The following CSK variants were observed in gnomAD, a reference collection of about 807,000 sequenced individuals.
CSK encodes the protein C-terminal Src kinase.
A neutral mutation model predicts 62.3 loss-of-function variants in CSK; 7 were observed. The ratio of observed to expected loss-of-function variants is 0.11; its 90% CI spans 0.06 to 0.21. The LOEUF (loss-of-function observed/expected upper bound fraction) is 0.21. CSK is among the 10% of genes least tolerant of loss of function. CSK has a pLI of 1.00. For synonymous variants in CSK, 237 were observed against 246.0 expected (o/e 0.96, Z 0.34); for missense variants, 294 against 613.5 (o/e 0.48, Z 5.50).
At chr15:74,783,920 C>G (rs2063477369) in intron 1 of CSK, among the ~76,000 whole-genome samples, 1 of 152,240 alleles carries the variant, frequency 6.6e-6, no homozygotes, top group African/African-American at 2.4e-5. Flanking sequence ...CGTGGAAGCT[C>G]TGTCTCCACT....
At position 74,799,419 on chromosome 15, in the gene CSK, C is replaced by T; in HGVS notation, c.390C>T (p.Arg130=). The change falls in exon 5 of 13, where the codon CGC becomes CGT. Residue 130 remains arginine (R), a synonymous_variant. Coordinates refer to ENST00000220003, the MANE Select transcript of CSK (RefSeq NM_004383.3). The part of the protein sequence containing the change: ...VSCDGKVEHY[R]IMYHASKLSI... ...GCGACGGCAAGGTGGAGCACTACCG[C>T]ATCATGTACCATGCCAGCAAGCTCA... 2 of 1,613,616 alleles carry T rather than the reference C, an allele frequency of 1.2e-6. No homozygotes were observed. The highest frequency in any genetic ancestry group is 2.2e-5 in the South Asian group (2 of 91,088).
rs201341177 is a variant in CSK at position 74,796,609 on chromosome 15, A to G, written c.-65-1624A>G. 7.3e-4 allele frequency among the ~76,000 whole-genome samples: 111 copies of G among 151,776 alleles called. No individual in the cohort carries two copies. The East Asian group carries it at 0.019, about 26-fold the overall frequency. On this transcript the variant is annotated intron_variant, in intron 1 of 12. Coordinates refer to ENST00000220003, the MANE Select transcript of CSK (RefSeq NM_004383.3). ...ACCCTTTCTCAAAAAAAAAAAAAAA[A>G]GAAAAGAAAAAGAAAAAATCCATGT...
chr15:74,795,288 T>C (rs1339782528), intron 1 of CSK, among the ~76,000 whole-genome samples: 1 of 151,892 alleles, frequency 6.6e-6, no homozygotes, highest in Non-Finnish European at 1.5e-5. Context: ...TAAAATGTCT[T>C]CTCCCGCGCC....
intron 1 of CSK, among the ~76,000 whole-genome samples, chr15:74,791,192 G>A (rs775587117): frequency 6.6e-5 from 10 of 152,054 alleles, no homozygotes; most frequent in Non-Finnish European, 1.2e-4. Context: ...GGGAGGTGTT[G>A]CATTAATACC....
chr15:74,802,400 G>A lies in CSK; in HGVS notation c.1240G>A (p.Ala414Thr), dbSNP rs775701272. Residue 414 changes from alanine to threonine, a missense_variant, in exon 13 of 13, where the codon GCA (alanine) becomes ACA (threonine). Transcript: ENST00000220003. ...KMDAPDGCPP[A>T]VYEVMKNCWH... ...GGATGCCCCCGACGGCTGCCCGCCCGCAGTCTATGAAGTCATGAAGAACTG... is the reference window on the plus strand; with the variant it reads ...GGATGCCCCCGACGGCTGCCCGCCCACAGTCTATGAAGTCATGAAGAACTG... 6.8e-6 allele frequency: 11 copies of A among 1,611,962 alleles called. No homozygotes were observed. The highest frequency in any genetic ancestry group is 4.4e-5 in the South Asian group (4 of 90,960).
rs576773867 is a variant in CSK at position 74,795,065 on chromosome 15, G to A, written c.-65-3168G>A. On this transcript the variant is annotated intron_variant, in intron 1 of 12. Coordinates refer to ENST00000220003, the MANE Select transcript of CSK (RefSeq NM_004383.3). ...CTGCCTTCCCGCTTCCCTCACCATC[G>A]GCTTCCACCTGGGCCAGTTTCTCAT... Among the ~76,000 whole-genome samples the A allele has an allele frequency of 9.9e-5, 15 of 152,190 alleles. No homozygotes were observed. In the South Asian group the frequency reaches 2.3e-3, roughly 23 times the overall value.
At chr15:74,785,231 T>C (rs1423454027) in intron 1 of CSK, among the ~76,000 whole-genome samples, 1 of 152,228 alleles carries the variant, frequency 6.6e-6, no homozygotes, top group Non-Finnish European at 1.5e-5. Context: ...TTTTTTCATT[T>C]AATACTGCGT....
chr15:74,802,170 A>C, intron 12 of CSK, 87 bp downstream of exon 12: 2 of 1,468,438 alleles, frequency 1.4e-6, no homozygotes, highest in Non-Finnish European at 9.3e-7. Flanking sequence ...CTGCCTCCCC[A>C]ATCAAGGCCT....
chr15:74,801,412 C>A, intron 9 of CSK, 110 bp from the exon 10 acceptor site: 2 of 1,077,406 alleles, frequency 1.9e-6, no homozygotes, highest in Non-Finnish European at 2.7e-6. Flanking sequence ...CCACTCCTTC[C>A]CTGTCTCACA....
chr15:74,798,949 C>T lies in CSK; in HGVS notation c.242+11C>T, dbSNP rs752325756. The T allele has an allele frequency of 5.3e-6, 8 of 1,508,028 alleles. No individual in the cohort carries two copies. Among genetic ancestry groups the T allele is most frequent in the Admixed American group, 2.2e-5 (1 of 44,716 alleles). 93.4% of individuals were successfully genotyped at this position (1,508,028 alleles called of 1,614,324 possible). On this transcript the variant is annotated intron_variant, in intron 4 of 12. Coordinates refer to ENST00000220003, the MANE Select transcript of CSK (RefSeq NM_004383.3). This position sits in a 1 kb window ranked among gnomAD's most constrained non-coding sequence, Gnocchi z 6.6. ...ACTCAGCCTCATGCCGTGAGTACCA[C>T]GAGGAGGGGTTGGGGAGGGAAGGGG... is the stretch of plus-strand genomic sequence containing the variant.
intron 1 of CSK, among the ~76,000 whole-genome samples, chr15:74,785,239 C>T (rs34419559): frequency 0.042 from 6,423 of 152,280 alleles, 198 homozygotes; most frequent in Middle Eastern, 0.065. Flanking sequence ...TTTAATACTG[C>T]GTCTGTGGGC....
At chr15:74,795,726 C>G (rs1027041088) in intron 1 of CSK, among the ~76,000 whole-genome samples, 3 of 152,090 alleles carry the variant, frequency 2.0e-5, no homozygotes, top group Non-Finnish European at 4.4e-5. Context: ...CCTTGAACAA[C>G]ACAGGGGTTG....
chr15:74,789,127 G>GA (rs1321603814), intron 1 of CSK, among the ~76,000 whole-genome samples: 1 of 152,124 alleles, frequency 6.6e-6, no homozygotes, highest in East Asian at 1.9e-4. Context: ...GGGGGCAGGG[G>GA]AAAAAAAGCC....
intron 1 of CSK, among the ~76,000 whole-genome samples, chr15:74,785,045 C>G (rs2063495191): frequency 6.6e-6 from 1 of 152,166 alleles, no homozygotes; most frequent in Admixed American, 6.5e-5. Flanking sequence ...TACTCATTTT[C>G]TTGATTTAGA....
chr15:74,799,592 C>T (rs2063757992), intron 5 of CSK, 101 bp downstream of exon 5: 1 of 1,268,326 alleles, frequency 7.9e-7, no homozygotes, highest in East Asian at 2.5e-5. Flanking sequence ...TGCGTGGTGA[C>T]CAGCCATGTG....
intron 1 of CSK, among the ~76,000 whole-genome samples, chr15:74,787,787 A>T (rs2063546637): frequency 1.3e-5 from 2 of 152,082 alleles, no homozygotes; most frequent in Admixed American, 6.5e-5. Context: ...GGGCAGGCGA[A>T]AACCTGGGCA....
At chr15:74,783,385 GA>G (rs1324657163) in intron 1 of CSK, among the ~76,000 whole-genome samples, 1 of 152,244 alleles carries the variant, frequency 6.6e-6, no homozygotes, top group African/African-American at 2.4e-5. Context: ...TTGTGGCCCA[GA>G]CCAGGTGTCA....
intron 1 of CSK, among the ~76,000 whole-genome samples, chr15:74,791,231 A>G (rs1403511527): frequency 3.3e-5 from 5 of 152,256 alleles, no homozygotes; most frequent in Admixed American, 2.0e-4. Context: ...GTAGTATTCC[A>G]TAGAGAACCT....
chr15:74,794,500 T>C (rs1317358361), intron 1 of CSK, among the ~76,000 whole-genome samples: 2 of 152,138 alleles, frequency 1.3e-5, no homozygotes, highest in Non-Finnish European at 2.9e-5. Context: ...TCAGTGTCCC[T>C]GCCTAAACAG....
Sources: gnomAD v4.1 joint callset for allele counts (sites outside exome capture counted in the v4.1 genomes callset) on GRCh38, gnomAD v4.1.1 for gene constraint, Gnocchi (gnomAD v3.1) non-coding constraint, MANE v1.5 for transcripts, NCBI Gene and HGNC (gene_info 2026-07-23, HGNC 2026-07-21) for gene names.